DCBLD2: variants seen among roughly 807,000 people sequenced by gnomAD.
DCBLD2 encodes the protein discoidin, CUB and LCCL domain containing 2, also known as discoidin, CUB and LCCL domain-containing protein 2.
A neutral mutation model predicts 86.8 loss-of-function variants in DCBLD2; 54 were observed. That is an observed-to-expected ratio of 0.62 (90% CI 0.50 to 0.78). The LOEUF (loss-of-function observed/expected upper bound fraction) is 0.78. Among genes scored for constraint, DCBLD2 ranks in the 30% least tolerant of loss-of-function variants. The probability of loss-of-function intolerance (pLI) is 0.00; values close to 1 mark genes in which losing one functional copy is unlikely to be tolerated. For synonymous variants in DCBLD2, 354 were observed against 341.3 expected, an observed-to-expected ratio of 1.04 and a Z score of -0.41; for missense variants, 908 against 954.2, an observed-to-expected ratio of 0.95 and a Z score of 0.64.
At chr3:98,896,676 T>C (rs1270809667) in intron 1 of DCBLD2, among the ~76,000 whole-genome samples, 1 of 152,140 alleles carries the variant, frequency 6.6e-6, no homozygotes, top group Non-Finnish European at 1.5e-5. Flanking sequence ...TAGTTTTGAG[T>C]AATAATCATT....
intron 1 of DCBLD2, among the ~76,000 whole-genome samples, chr3:98,883,051 A>G (rs1943499611): frequency 1.3e-5 from 2 of 152,144 alleles, no homozygotes; most frequent in South Asian, 4.1e-4. Context: ...GTGTAACAGC[A>G]TTCCTATTTC....
intron 1 of DCBLD2, 164 bp downstream of exon 1, chr3:98,900,958 A>C: frequency 8.0e-7 from 1 of 1,254,546 alleles, no homozygotes; most frequent in Non-Finnish European, 1.1e-6. Context: ...CAGACGGGCA[A>C]GACCTTGCCT....
At chr3:98,808,950 A>G (rs1002316361) in intron 12 of DCBLD2, among the ~76,000 whole-genome samples, 13 of 152,204 alleles carry the variant, frequency 8.5e-5, no homozygotes, top group African/African-American at 2.4e-4. Flanking sequence ...GGAATAAATC[A>G]TGGTATCCTC....
intron 13 of DCBLD2, 59 bp downstream of exon 13, chr3:98,808,022 T>C: frequency 7.8e-7 from 1 of 1,274,904 alleles, no homozygotes; most frequent in Non-Finnish European, 1.0e-6. Flanking sequence ...ATCTTCTATA[T>C]TTAGCTTCTA....
intron 2 of DCBLD2, among the ~76,000 whole-genome samples, chr3:98,851,034 AC>A (rs1244819185): frequency 6.6e-6 from 1 of 152,238 alleles, no homozygotes; most frequent in Non-Finnish European, 1.5e-5. Flanking sequence ...GAAAACCTGC[AC>A]AAGACAAGGA....
At chr3:98,839,149 TTC>T (rs1177366794) in intron 3 of DCBLD2, among the ~76,000 whole-genome samples, 2 of 4,426 alleles carry the variant, frequency 4.5e-4, no homozygotes, top group Non-Finnish European at 3.9e-3. Context: ...CCTTCCTTCT[TTC>T]TTTCTTTCTT....
chr3:98,836,714 G>C (rs1386117873), intron 3 of DCBLD2, among the ~76,000 whole-genome samples: 1 of 50,620 alleles, frequency 2.0e-5, no homozygotes, highest in African/African-American at 5.1e-5. Flanking sequence ...GCGGCTGGCC[G>C]GGCGGGGGGG....
intron 2 of DCBLD2, among the ~76,000 whole-genome samples, chr3:98,876,989 G>C (rs1037389154): frequency 1.3e-5 from 2 of 152,116 alleles, no homozygotes; most frequent in Non-Finnish European, 2.9e-5. Flanking sequence ...GTATAAAGAA[G>C]TACGGAAAAG....
At chr3:98,849,299 G>A (rs897033431) in intron 3 of DCBLD2, 162 bp downstream of exon 3, 1 of 833,176 alleles carries the variant, frequency 1.2e-6, no homozygotes, top group African/African-American at 1.7e-5. Flanking sequence ...TTGGAACTTT[G>A]AAACTGAACT....
chr3:98,837,845 C>T (rs1220884475), intron 3 of DCBLD2, among the ~76,000 whole-genome samples: 43 of 143,830 alleles, frequency 3.0e-4, no homozygotes, highest in South Asian at 2.2e-4. Flanking sequence ...CCCTCCCGGA[C>T]GGGGCGGCTG....
intron 2 of DCBLD2, among the ~76,000 whole-genome samples, chr3:98,864,812 C>T (rs1943113128): frequency 6.6e-6 from 1 of 151,006 alleles, no homozygotes; most frequent in South Asian, 2.1e-4. Flanking sequence ...ATGTAAAAAA[C>T]CTGCACACTG....
chr3:98,830,821 T>C (rs1376703767), intron 3 of DCBLD2, among the ~76,000 whole-genome samples: 1 of 152,198 alleles, frequency 6.6e-6, no homozygotes, highest in Non-Finnish European at 1.5e-5. Context: ...TGTAAATCAC[T>C]TTGGACAGAA....
chr3:98,828,074 A>G (rs993509047), intron 3 of DCBLD2, among the ~76,000 whole-genome samples: 4 of 152,218 alleles, frequency 2.6e-5, no homozygotes, highest in Non-Finnish European at 5.9e-5. Context: ...TACAAAATAA[A>G]GTGGATCTAA....
intron 1 of DCBLD2, 31 bp downstream of exon 1, chr3:98,901,091 C>T: frequency 2.6e-6 from 4 of 1,538,010 alleles, no homozygotes; most frequent in Non-Finnish European, 8.7e-7. Context: ...ACGGAGGTTC[C>T]CCCGCCGCTC....
At chr3:98,866,990 C>G (rs1055029388) in intron 2 of DCBLD2, among the ~76,000 whole-genome samples, 3 of 152,224 alleles carry the variant, frequency 2.0e-5, no homozygotes, top group Non-Finnish European at 4.4e-5. Flanking sequence ...TTGTTTTTGT[C>G]AGGTTTGTCA....
intron 2 of DCBLD2, among the ~76,000 whole-genome samples, chr3:98,850,099 T>C (rs1942806588): frequency 6.6e-6 from 1 of 152,242 alleles, no homozygotes; most frequent in Admixed American, 6.5e-5. Flanking sequence ...TCTGATCCCA[T>C]GGCTTTAACT....
At position 98,849,518 on chromosome 3, in the gene DCBLD2, C is replaced by T. The variant is rs1187991691; in HGVS notation, c.514G>A (p.Gly172Arg). ...AATCCGCGTCCAGAAACATGGATTC[C>T]ACTCATGAACAGCAATGTGATTTCA... ...GNEITLLFMS[G>R]IHVSGRGFLA... is the part of the protein sequence containing the mutation. Residue 172 changes from glycine (G) to arginine (R), a missense_variant, in exon 3 of 16, where the codon GGA (glycine) becomes AGA (arginine). Coordinates refer to ENST00000326840, the MANE Select transcript of DCBLD2 (RefSeq NM_080927.4). The T allele has an allele frequency of 1.2e-6, 2 of 1,613,718 alleles. No homozygotes were observed. The highest frequency in any genetic ancestry group is 1.3e-5 in the African/African-American group (1 of 74,888).
chr3:98,893,717 T>TGCTCAAA (rs1445517501), intron 1 of DCBLD2, among the ~76,000 whole-genome samples: 1 of 152,110 alleles, frequency 6.6e-6, no homozygotes, highest in East Asian at 1.9e-4. Context: ...TGTTTCCAGA[T>TGCTCAAA]ATAAAGTAAA....
At chr3:98,898,017 G>T (rs2133575) in intron 1 of DCBLD2, among the ~76,000 whole-genome samples, 147,427 of 152,202 alleles carry the variant, frequency 0.97, 71,556 homozygotes, top group Non-Finnish European at 1. Context: ...TTTTTTGAGA[G>T]GTACATTTTA....
Sources: allele counts gnomAD v4.1 joint callset (sites outside exome capture counted in the v4.1 genomes callset), GRCh38; gene constraint gnomAD v4.1.1; transcripts MANE v1.5; gene names NCBI Gene and HGNC (gene_info 2026-07-23, HGNC 2026-07-21).